The following RAB7A variants were observed in gnomAD, a reference collection of about 807,000 sequenced individuals.
RAB7A encodes the protein RAB7A, member RAS oncogene family.
Under a neutral mutation model 24.5 loss-of-function variants are expected in RAB7A, and 2 were observed. That is an observed-to-expected ratio of 0.08 (90% CI 0.03 to 0.26). The LOEUF is 0.26. RAB7A is among the 10% of genes least tolerant of loss of function. The probability of loss-of-function intolerance (pLI) is 1.00; values close to 1 mark genes in which losing one functional copy is unlikely to be tolerated. For synonymous variants in RAB7A, 100 were observed against 95.9 expected, an observed-to-expected ratio of 1.04 and a Z score of -0.25; for missense variants, 118 against 255.7, an observed-to-expected ratio of 0.46 and a Z score of 3.67.
intron 4 of RAB7A, 26 bp downstream of exon 4, chr3:128,806,616 G>A (rs370752402): frequency 3.1e-6 from 5 of 1,595,634 alleles, no homozygotes; most frequent in Non-Finnish European, 4.3e-6. Flanking sequence ...GATAGATATT[G>A]TCACAGACAC....
intron 1 of RAB7A, among the ~76,000 whole-genome samples, chr3:128,758,694 C>T (rs2070752280): frequency 6.6e-6 from 1 of 152,086 alleles, no homozygotes; most frequent in African/African-American, 2.4e-5. Context: ...ATGCTTCTGT[C>T]TCTGAGCATT....
At chr3:128,761,156 C>G (rs1355581150) in intron 1 of RAB7A, among the ~76,000 whole-genome samples, 3 of 152,138 alleles carry the variant, frequency 2.0e-5, no homozygotes, top group Admixed American at 1.3e-4. Context: ...AAATTCTGGC[C>G]TGTATTCTTC....
intron 1 of RAB7A, among the ~76,000 whole-genome samples, chr3:128,738,758 G>GAA (rs1386568943): frequency 6.6e-6 from 1 of 152,186 alleles, no homozygotes; most frequent in Non-Finnish European, 1.5e-5. Context: ...TTGAAAGAAA[G>GAA]AACTAAATGG....
intron 1 of RAB7A, among the ~76,000 whole-genome samples, chr3:128,779,136 G>C (rs1381288769): frequency 6.6e-6 from 1 of 152,192 alleles, no homozygotes; most frequent in East Asian, 1.9e-4. Flanking sequence ...TTGTGGGGCT[G>C]GGTACGGTGG....
chr3:128,798,132 T>G, intron 3 of RAB7A, 63 bp downstream of exon 3: 1 of 1,579,888 alleles, frequency 6.3e-7, no homozygotes, highest in South Asian at 1.1e-5. Flanking sequence ...TAATCTTTCC[T>G]CATGCATAGA....
chr3:128,801,246 T>G (rs1380190955), intron 3 of RAB7A, among the ~76,000 whole-genome samples: 2 of 152,234 alleles, frequency 1.3e-5, no homozygotes, highest in Non-Finnish European at 2.9e-5. Flanking sequence ...GGCTCATGCC[T>G]GTAATCCTAG....
chr3:128,764,288 T>A (rs930078180), intron 1 of RAB7A, among the ~76,000 whole-genome samples: 2 of 150,686 alleles, frequency 1.3e-5, no homozygotes, highest in African/African-American at 5.0e-5. Context: ...ACCGACAACT[T>A]TCTTTCTTTT....
chr3:128,806,222 G>A (rs1332131322), intron 3 of RAB7A, 150 bp from the exon 4 acceptor site: 1 of 631,084 alleles, frequency 1.6e-6, no homozygotes, highest in East Asian at 2.7e-5. Flanking sequence ...CAGATACTCT[G>A]GTGCTGAAAT....
At chr3:128,728,983 AT>A (rs2070407544) in intron 1 of RAB7A, among the ~76,000 whole-genome samples, 1 of 152,214 alleles carries the variant, frequency 6.6e-6, no homozygotes, top group Admixed American at 6.5e-5. Context: ...AACTTTCTAG[AT>A]TCCCTTCTTT....
chr3:128,781,745 G>T (rs150100313), intron 1 of RAB7A, among the ~76,000 whole-genome samples: 1 of 149,728 alleles, frequency 6.7e-6, no homozygotes, highest in Admixed American at 6.6e-5. Flanking sequence ...GGCCGGGCAC[G>T]GTGGCTTACT....
rs2070841336 is a variant in RAB7A, at chr3:128,767,273, G to A, written c.-8-28087G>A. 3.3e-5 allele frequency among the ~76,000 whole-genome samples: 5 copies of A among 152,342 alleles called. 1 individual carries two copies. In the South Asian group the frequency reaches 8.3e-4, roughly 25 times the overall value. ...TCCAGGATCTGGGGGTTGGGAAAGT[G>A]TGGCAAGGCAGGTTTAAGATAGAAG... On this transcript the variant is annotated intron_variant, in intron 1 of 5. Transcript: ENST00000265062.
chr3:128,792,109 A>G (rs2107609520), intron 1 of RAB7A, among the ~76,000 whole-genome samples: 1 of 152,360 alleles, frequency 6.6e-6, no homozygotes, highest in South Asian at 2.1e-4. Flanking sequence ...TAATTCACTC[A>G]GAGGAATATT....
chr3:128,737,825 G>GTTTTTTTTT (rs56027163), intron 1 of RAB7A, among the ~76,000 whole-genome samples: 6 of 59,492 alleles, frequency 1.0e-4, no homozygotes, highest in African/African-American at 1.3e-4. Context: ...TTTTTTTGTA[G>GTTTTTTTTT]TTTTTTTTTT....
intron 1 of RAB7A, among the ~76,000 whole-genome samples, chr3:128,757,183 C>T (rs2070737047): frequency 6.6e-6 from 1 of 152,114 alleles, no homozygotes; most frequent in Non-Finnish European, 1.5e-5. Context: ...CCACCTATTT[C>T]CAGAACCTTT....
At chr3:128,732,010 A>G (rs1020215297) in intron 1 of RAB7A, among the ~76,000 whole-genome samples, 1 of 150,946 alleles carries the variant, frequency 6.6e-6, no homozygotes, top group African/African-American at 2.4e-5. Context: ...TCTCAAAAAA[A>G]AAAAAAAGTG....
intron 2 of RAB7A, among the ~76,000 whole-genome samples, chr3:128,795,751 C>CTTTTTTT (rs71153147): frequency 0.019 from 823 of 42,970 alleles, 225 homozygotes; most frequent in Middle Eastern, 0.062. Flanking sequence ...AGCAGATGTG[C>CTTTTTTT]TTTTTTTTTT....
At chr3:128,813,219 ACT>A in intron 5 of RAB7A, 106 bp from the exon 6 acceptor site, 1 of 1,037,360 alleles carries the variant, frequency 9.6e-7, no homozygotes, top group South Asian at 1.3e-5. Flanking sequence ...CTCCCCGCCC[ACT>A]CTGCCCAAGC....
chr3:128,763,128 T>C (rs1470707862), intron 1 of RAB7A, among the ~76,000 whole-genome samples: 2 of 150,520 alleles, frequency 1.3e-5, no homozygotes, highest in African/African-American at 2.4e-5. Context: ...AATGTATTTC[T>C]CTATCCCCAC....
rs1247068498 is a variant in RAB7A, at chr3:128,813,858, C to G, written c.*436C>G. ...TTGGTCTTGTGGTCTTTTTACCCCC[C>G]CTTTCCCCTCCCTCCTTGAAGGCTA... On this transcript the variant is annotated 3_prime_UTR_variant, in exon 6 of 6. Coordinates refer to ENST00000265062, the MANE Select transcript of RAB7A (RefSeq NM_004637.6). 2 of 264,454 alleles carry G rather than the reference C, an allele frequency of 7.6e-6. No homozygotes were observed. The highest frequency in any genetic ancestry group is 1.9e-4 in the East Asian group (2 of 10,650). 16.4% of individuals were successfully genotyped at this position (264,454 alleles called of 1,614,324 possible).
Sources: allele counts gnomAD v4.1 joint callset (sites outside exome capture counted in the v4.1 genomes callset), GRCh38; gene constraint gnomAD v4.1.1; transcripts MANE v1.5; gene names NCBI Gene and HGNC (gene_info 2026-07-23, HGNC 2026-07-21).